BMPR1B: variants seen among roughly 807,000 people sequenced by gnomAD.
The protein encoded by BMPR1B is bone morphogenetic protein receptor type-1B.
A neutral mutation model predicts 59.1 loss-of-function variants in BMPR1B; 12 were observed. The observed-to-expected ratio is 0.20, with a 90% CI of 0.13 to 0.33. BMPR1B has a LOEUF of 0.33. Ranked by LOEUF, BMPR1B falls within the 10% of genes least tolerant of loss-of-function variation. The probability of loss-of-function intolerance (pLI) is 1.00; values close to 1 mark genes in which losing one functional copy is unlikely to be tolerated. For missense variants in BMPR1B, 550 were observed against 610.9 expected, an observed-to-expected ratio of 0.90 and a Z score of 1.05; for synonymous variants, 237 against 207.3, an observed-to-expected ratio of 1.14 and a Z score of -1.23.
chr4:95,134,074 C>G (rs1200239274), intron 10 of BMPR1B, among the ~76,000 whole-genome samples: 1 of 152,102 alleles, frequency 6.6e-6, no homozygotes, highest in South Asian at 2.1e-4. Context: ...ACCCTGTGTC[C>G]AAGTGTTCTC....
intron 2 of BMPR1B, among the ~76,000 whole-genome samples, chr4:94,985,524 TGTGTG>T: frequency 1.7e-5 from 1 of 57,308 alleles, no homozygotes; most frequent in South Asian, 6.8e-4. Flanking sequence ...TGTGTGTGTG[TGTGTG>T]TGTGTGTGTG....
At chr4:95,149,536 A>T (rs1032911405) in intron 11 of BMPR1B, among the ~76,000 whole-genome samples, 1 of 152,216 alleles carries the variant, frequency 6.6e-6, no homozygotes, top group Admixed American at 6.5e-5. Flanking sequence ...GACATATTTA[A>T]ATATTCAGAA....
intron 2 of BMPR1B, among the ~76,000 whole-genome samples, chr4:94,915,751 C>T (rs575247326): frequency 6.6e-6 from 1 of 152,232 alleles, no homozygotes; most frequent in South Asian, 2.1e-4. Flanking sequence ...CCAATAATTC[C>T]ACAAATAATC....
chr4:94,971,436 G>A (rs568387788), intron 2 of BMPR1B, among the ~76,000 whole-genome samples: 1 of 152,176 alleles, frequency 6.6e-6, no homozygotes, highest in Admixed American at 6.5e-5. Context: ...TCAGTTAATT[G>A]TAGTGCTAAG....
At chr4:94,927,054 A>C (rs1285697802) in intron 2 of BMPR1B, among the ~76,000 whole-genome samples, 2 of 152,200 alleles carry the variant, frequency 1.3e-5, no homozygotes, top group Non-Finnish European at 2.9e-5. Flanking sequence ...TTTTGCTAAC[A>C]ATAACTGGTG....
chr4:95,023,882 A>G (rs1724170830), intron 3 of BMPR1B, among the ~76,000 whole-genome samples: 1 of 152,158 alleles, frequency 6.6e-6, no homozygotes, highest in African/African-American at 2.4e-5. Flanking sequence ...CTTTCACATA[A>G]TATGTCATTT....
intron 1 of BMPR1B, among the ~76,000 whole-genome samples, chr4:94,853,436 T>G (rs188971260): frequency 1.5e-3 from 231 of 152,318 alleles, no homozygotes; most frequent in African/African-American, 5.3e-3. Context: ...TGATCAAAGA[T>G]GCAGGTGGTT....
intron 3 of BMPR1B, among the ~76,000 whole-genome samples, chr4:95,031,213 G>T (rs1438278839): frequency 6.6e-6 from 1 of 152,086 alleles, no homozygotes; most frequent in Non-Finnish European, 1.5e-5. Flanking sequence ...ATATCTTCTA[G>T]TTAATCTACA....
chr4:94,758,788 C>T (rs1721637245), intron 1 of BMPR1B, among the ~76,000 whole-genome samples: 1 of 152,042 alleles, frequency 6.6e-6, no homozygotes, highest in Non-Finnish European at 1.5e-5. Context: ...TATTGCTATC[C>T]TTTGCCTCTC....
chr4:94,841,472 T>G (rs1004380975), intron 1 of BMPR1B, among the ~76,000 whole-genome samples: 1 of 152,144 alleles, frequency 6.6e-6, no homozygotes, highest in Non-Finnish European at 1.5e-5. Flanking sequence ...TGCTGCGCTG[T>G]TTTTTAAGCC....
At chr4:94,860,871 A>G (rs1300459155) in intron 1 of BMPR1B, among the ~76,000 whole-genome samples, 1 of 149,344 alleles carries the variant, frequency 6.7e-6, no homozygotes, top group Non-Finnish European at 1.5e-5. Context: ...ATCCCATCCC[A>G]TTCCATTTTC....
In BMPR1B at chr4:94,919,385, A is replaced by G. The variant is rs187849169; in HGVS notation, c.-113+43485A>G. On this transcript the variant is annotated intron_variant, in intron 2 of 12. Coordinates refer to ENST00000515059, the MANE Select transcript of BMPR1B (RefSeq NM_001203.3). ...AGTACATTTAAAATTATAATCCAAC[A>G]TGGATGCTCTTGTATATACACCTAA... Among the ~76,000 whole-genome samples the G allele has an allele frequency of 2.4e-3, 372 of 152,334 alleles. 1 individual carries two copies. The highest frequency in any genetic ancestry group is 8.2e-3 in the African/African-American group (343 of 41,580).
intron 3 of BMPR1B, among the ~76,000 whole-genome samples, chr4:95,048,028 A>G (rs1726172234): frequency 3.3e-5 from 5 of 152,084 alleles, no homozygotes; most frequent in Admixed American, 2.0e-4. Context: ...TTAAGTTCCC[A>G]CTTTTAAGTG....
intron 2 of BMPR1B, among the ~76,000 whole-genome samples, chr4:94,918,664 A>T (rs748018427): frequency 8.0e-5 from 12 of 150,314 alleles, no homozygotes; most frequent in Non-Finnish European, 1.6e-4. Context: ...AGCCTGGGCA[A>T]CAGAGTAAGA....
chr4:95,116,689 A>G (rs1732094048), intron 6 of BMPR1B, among the ~76,000 whole-genome samples: 1 of 149,314 alleles, frequency 6.7e-6, no homozygotes, highest in African/African-American at 2.5e-5. Flanking sequence ...ATCATAGTTC[A>G]TTGCAACCTC....
At chr4:94,882,538 T>C (rs560442710) in intron 2 of BMPR1B, among the ~76,000 whole-genome samples, 1 of 152,356 alleles carries the variant, frequency 6.6e-6, no homozygotes, top group African/African-American at 2.4e-5. Context: ...TCTTATCTTG[T>C]CAATAACTCT....
chr4:94,962,061 T>TC (rs1730376065), intron 2 of BMPR1B, among the ~76,000 whole-genome samples: 1 of 146,604 alleles, frequency 6.8e-6, no homozygotes, highest in African/African-American at 2.6e-5. Flanking sequence ...TTCTTTCTTT[T>TC]CTTTCTTTTC....
At chr4:94,844,613 G>T (rs921580242) in intron 1 of BMPR1B, among the ~76,000 whole-genome samples, 12 of 152,268 alleles carry the variant, frequency 7.9e-5, no homozygotes, top group Admixed American at 1.3e-4. Flanking sequence ...AGACCGGAGA[G>T]GGGATACTGG....
intron 3 of BMPR1B, among the ~76,000 whole-genome samples, chr4:95,008,433 C>A (rs1026444864): frequency 1.6e-4 from 25 of 152,218 alleles, no homozygotes; most frequent in African/African-American, 6.0e-4. Context: ...TTCCAGTAAG[C>A]CTTGAGTCCA....
Sources: allele counts gnomAD v4.1 joint callset (sites outside exome capture counted in the v4.1 genomes callset), GRCh38; gene constraint gnomAD v4.1.1; transcripts MANE v1.5; gene names NCBI Gene and HGNC (gene_info 2026-07-23, HGNC 2026-07-21).